The following ZGRF1 variants were observed in gnomAD, a reference collection of about 807,000 sequenced individuals.
ZGRF1 encodes 5'-3' DNA helicase ZGRF1.
Under a neutral mutation model 203.5 loss-of-function variants are expected in ZGRF1, and 196 were observed. The observed-to-expected ratio is 0.96, with a 90% CI of 0.86 to 1.08. The LOEUF (loss-of-function observed/expected upper bound fraction) is 1.08. Ranked by LOEUF, ZGRF1 falls within the 50% of genes least tolerant of loss-of-function variation. The pLI is 0.00. For missense variants in ZGRF1, 2,326 were observed against 2,416.3 expected, an observed-to-expected ratio of 0.96 and a Z score of 0.78; for synonymous variants, 809 against 841.3, an observed-to-expected ratio of 0.96 and a Z score of 0.66.
intron 21 of ZGRF1, 100 bp downstream of exon 21, chr4:112,554,605 T>C: frequency 1.5e-6 from 1 of 656,870 alleles, no homozygotes; most frequent in East Asian, 2.8e-5. Context: ...AAGATAAGCC[T>C]TTCTCCATTC....
At chr4:112,548,424 A>G (rs1411684461) in intron 22 of ZGRF1, 44 bp from the exon 23 acceptor site, 16 of 1,465,162 alleles carry the variant, frequency 1.1e-5, no homozygotes, top group Admixed American at 2.1e-5. Context: ...TTATTAAAAG[A>G]AAATAAGAGA....
chr4:112,557,441 C>A (rs955081894), intron 20 of ZGRF1, among the ~76,000 whole-genome samples: 1 of 152,216 alleles, frequency 6.6e-6, no homozygotes, highest in African/African-American at 2.4e-5. Flanking sequence ...TCCCAAAGCA[C>A]TGGGATTACA....
intron 22 of ZGRF1, among the ~76,000 whole-genome samples, chr4:112,550,544 T>A (rs1739750149): frequency 6.6e-6 from 1 of 152,106 alleles, no homozygotes; most frequent in Non-Finnish European, 1.5e-5. Flanking sequence ...GTAGCCTAAC[T>A]GTACAGCGTT....
chr4:112,619,243 A>G lies in ZGRF1; in HGVS notation c.799T>C (p.Cys267Arg), dbSNP rs749322707. The G allele has an allele frequency of 3.8e-5, 61 of 1,613,278 alleles. 2 individuals are homozygous for G. Among genetic ancestry groups the G allele is most frequent in the Admixed American group, 2.2e-4 (13 of 60,018 alleles). The change falls in exon 6 of 28, where the codon TGT becomes CGT. Residue 267 changes from cysteine to arginine, a missense_variant. By Grantham distance (180) the Cys-to-Arg change is radical (BLOSUM62 -3). Coordinates refer to ENST00000505019, the MANE Select transcript of ZGRF1 (RefSeq NM_018392.5). ...GTCATCTCAGAATTTAGTTCCTCAC[A>G]TGAACTAGATGATTCGGACTTCAGA... The part of the protein sequence containing the change: ...ALLKSESSSS[C>R]EELNSEMTEH...
chr4:112,562,507 T>G (rs1189830089), intron 17 of ZGRF1, 22 bp from the exon 18 acceptor site: 19 of 1,399,242 alleles, frequency 1.4e-5, no homozygotes, highest in Non-Finnish European at 1.9e-5. Context: ...ATGCAGAAAA[T>G]AAACATTTGA....
chr4:112,569,385 C>G (rs548712726), intron 16 of ZGRF1, among the ~76,000 whole-genome samples: 65 of 152,310 alleles, frequency 4.3e-4, no homozygotes, highest in African/African-American at 1.5e-3. Context: ...TACAGCTAAA[C>G]TAAACAGCAT....
intron 20 of ZGRF1, among the ~76,000 whole-genome samples, chr4:112,555,951 T>G (rs1449905208): frequency 6.6e-6 from 1 of 152,218 alleles, no homozygotes; most frequent in Non-Finnish European, 1.5e-5. Flanking sequence ...TGTTTTCTTT[T>G]GTTTTTTAAT....
At chr4:112,592,890 G>T (rs1019301354) in intron 10 of ZGRF1, among the ~76,000 whole-genome samples, 3 of 152,174 alleles carry the variant, frequency 2.0e-5, no homozygotes, top group Non-Finnish European at 4.4e-5. Flanking sequence ...GTTAAATGAG[G>T]TCATAAGAGT....
At chr4:112,589,147 G>A (rs1747721203) in intron 11 of ZGRF1, among the ~76,000 whole-genome samples, 1 of 152,054 alleles carries the variant, frequency 6.6e-6, no homozygotes, top group African/African-American at 2.4e-5. Flanking sequence ...AAGATATATT[G>A]ATGAGATTAT....
chr4:112,562,359 A>G lies in ZGRF1; in HGVS notation c.4697+12T>C, dbSNP rs1160126365. 12 of 1,478,404 alleles carry G rather than the reference A, an allele frequency of 8.1e-6. No homozygotes were observed. The highest frequency in any genetic ancestry group is 1.1e-5 in the Non-Finnish European group (12 of 1,064,968). 91.6% of individuals were successfully genotyped at this position (1,478,404 alleles called of 1,614,324 possible). A position where few individuals can be genotyped will look rare whatever the true frequency, so the allele number is the denominator to read the frequency against. ...TTTAATACCAATGACTCAAAGGTAA[A>G]AAATGACTTACGTTGTTAACAGGTA... is the stretch of plus-strand genomic sequence containing the variant. On this transcript the variant is annotated intron_variant, in intron 18 of 27. Coordinates refer to ENST00000505019, the MANE Select transcript of ZGRF1 (RefSeq NM_018392.5).
chr4:112,620,071 AT>A lies in ZGRF1; in HGVS notation c.281del (p.Asn94IlefsTer19), dbSNP rs1470749917. ...QNVNKEAPEL[N>X]SRTFISSGRS... ...GGCCAGAGGATATAAATGTCCTTGA[AT>A]TTAACTCTGGTGCTTCTTTATTGAC... On this transcript the variant is annotated frameshift_variant, in exon 5 of 28. Transcript: ENST00000505019. LOFTEE classifies it high-confidence loss of function. 6.2e-7 allele frequency: 1 copy of A among 1,613,166 alleles called. No homozygotes were observed. Among genetic ancestry groups the A allele is most frequent in the African/African-American group, 1.3e-5 (1 of 74,920 alleles).
chr4:112,631,025 CCA>C (rs2047393325), intron 3 of ZGRF1, among the ~76,000 whole-genome samples: 1 of 152,108 alleles, frequency 6.6e-6, no homozygotes, highest in African/African-American at 2.4e-5. Context: ...TCTCTGTACC[CCA>C]GTTTCATCTT....
intron 10 of ZGRF1, among the ~76,000 whole-genome samples, chr4:112,601,161 A>C (rs1749899913): frequency 6.6e-6 from 1 of 151,864 alleles, no homozygotes; most frequent in African/African-American, 2.4e-5. Context: ...CTATAATCCC[A>C]ACACTTTGGG....
intron 22 of ZGRF1, among the ~76,000 whole-genome samples, chr4:112,552,852 G>A (rs1433661337): frequency 6.6e-6 from 1 of 152,154 alleles, no homozygotes; most frequent in African/African-American, 2.4e-5. Context: ...CTGTGCAAAT[G>A]GAATGTCAGC....
Position 112,584,124 on chromosome 4 carries a change from G to C in ZGRF1, c.4152C>G (p.Phe1384Leu). The stretch of plus-strand genomic sequence containing the variant: ...GAGTCACGTCCTCAAGCCATTTAAA[G>C]AATTTACATCGATCAGCTTTGGGTC... Reference protein sequence around the residue: ...CDGPKADRCKFFKWLEDVTPG... With the variant: ...CDGPKADRCKLFKWLEDVTPG... The change falls in exon 15 of 28, where the codon TTC becomes TTG. Residue 1384 changes from phenylalanine (F) to leucine (L), a missense_variant. By Grantham distance (22) the Phe-to-Leu change is conservative. Transcript: ENST00000505019. 1 of 1,613,380 alleles carries C rather than the reference G, an allele frequency of 6.2e-7. No homozygotes were observed. The highest frequency in any genetic ancestry group is 1.3e-5 in the African/African-American group (1 of 74,994).
At chr4:112,558,900 C>T (rs1039675744) in intron 19 of ZGRF1, among the ~76,000 whole-genome samples, 9 of 152,138 alleles carry the variant, frequency 5.9e-5, no homozygotes, top group Non-Finnish European at 1.3e-4. Flanking sequence ...GAAAATCTAT[C>T]TCTGTTTTGA....
At chr4:112,615,190 T>C (rs1210609711) in intron 6 of ZGRF1, among the ~76,000 whole-genome samples, 1 of 152,142 alleles carries the variant, frequency 6.6e-6, no homozygotes, top group Non-Finnish European at 1.5e-5. Flanking sequence ...ACTTTAATTT[T>C]CTTTCCAACT....
At chr4:112,611,937 A>G (rs1172642561) in intron 7 of ZGRF1, among the ~76,000 whole-genome samples, 3 of 151,914 alleles carry the variant, frequency 2.0e-5, no homozygotes, top group East Asian at 3.9e-4. Context: ...TGCCCAACAG[A>G]GGTACACATT....
rs1415082958 is a variant in ZGRF1, at chr4:112,619,518, T to C, written c.524A>G (p.Asp175Gly). ...GKKDVNNILA[D>G]PENIVTYKNR... The stretch of plus-strand genomic sequence containing the variant: ...CTTGTAAGTCACAATGTTCTCAGGG[T>C]CTGCCAGTATATTATTTACATCTTT... Residue 175 changes from aspartate (D) to glycine (G), a missense_variant, in exon 6 of 28, where the codon GAC becomes GGC. By Grantham distance (94) the Asp-to-Gly change is moderately conservative. Transcript: ENST00000505019. 1 of 1,614,006 alleles carries C rather than the reference T, an allele frequency of 6.2e-7. No homozygotes were observed. Among genetic ancestry groups the C allele is most frequent in the East Asian group, 2.2e-5 (1 of 44,864 alleles).
Sources: allele counts gnomAD v4.1 joint callset (sites outside exome capture counted in the v4.1 genomes callset), GRCh38; gene constraint gnomAD v4.1.1; transcripts MANE v1.5; gene names NCBI Gene and HGNC (gene_info 2026-07-23, HGNC 2026-07-21).